The following UNKL variants were observed in gnomAD, a reference collection of about 807,000 sequenced individuals.
UNKL encodes putative E3 ubiquitin-protein ligase UNKL.
In UNKL, 60 loss-of-function variants were observed where a neutral mutation model predicts 78.0. The observed-to-expected ratio is 0.77, with a 90% CI of 0.63 to 0.95. The LOEUF is 0.95. Among genes scored for constraint, UNKL ranks in the 40% least tolerant of loss-of-function variants. The probability of loss-of-function intolerance (pLI) is 0.00; values close to 1 mark genes in which losing one functional copy is unlikely to be tolerated. For missense variants in UNKL, 1,159 were observed against 1,045.7 expected (o/e 1.11, Z -1.49); for synonymous variants, 608 against 474.8 (o/e 1.28, Z -3.65).
chr16:1,392,916 G>A lies in UNKL; in HGVS notation c.998C>T (p.Ser333Phe). ...ATTTCCCGGCTGGCCGCTGCCCGTG[G>A]AGGAAGGACTCGTGAGGTGGAGGTC... ...CHDLHLTSPS[S>F]TGSGQPGNAK... is the part of the protein sequence containing the mutation. The change falls in exon 8 of 15, where the codon TCC becomes TTC. Residue 333 changes from serine (S) to phenylalanine (F), a missense_variant. Transcript: ENST00000389221. The A allele has an allele frequency of 6.4e-7, 1 of 1,550,614 alleles. No homozygotes were observed. The highest frequency in any genetic ancestry group is 8.7e-7 in the Non-Finnish European group (1 of 1,147,002).
chr16:1,396,165 C>T (rs571277881), intron 6 of UNKL, among the ~76,000 whole-genome samples: 3 of 150,872 alleles, frequency 2.0e-5, no homozygotes, highest in Middle Eastern at 3.4e-3. Flanking sequence ...TGGTTTCGAA[C>T]CCCTGACCTC....
At chr16:1,406,654 A>G (rs1267394020) in intron 2 of UNKL, among the ~76,000 whole-genome samples, 3 of 151,974 alleles carry the variant, frequency 2.0e-5, no homozygotes, top group Non-Finnish European at 4.4e-5. Flanking sequence ...CTGAGTTTTA[A>G]AGACTGCTCG....
rs1275408658 is a variant in UNKL at position 1,363,262 on chromosome 16, T to C, written c.*2978A>G. 3 of 673,078 alleles carry C rather than the reference T, an allele frequency of 4.5e-6. No homozygotes were observed. Among genetic ancestry groups the C allele is most frequent in the Non-Finnish European group, 7.9e-6 (3 of 377,856 alleles). 41.7% of individuals were successfully genotyped at this position (673,078 alleles called of 1,614,324 possible). The stretch of plus-strand genomic sequence containing the variant: ...GATAAAAATAACTCCATGAATTCTG[T>C]AAACCATTGCATAAATGCTATAGTG... On this transcript the variant is annotated 3_prime_UTR_variant, in exon 15 of 15. Transcript: ENST00000389221.
chr16:1,374,667 TCC>T (rs2036079604), intron 10 of UNKL, among the ~76,000 whole-genome samples: 1 of 151,660 alleles, frequency 6.6e-6, no homozygotes, highest in South Asian at 2.1e-4. Flanking sequence ...GCAGCCTCAC[TCC>T]CCACAACCCA....
chr16:1,397,002 G>T, intron 6 of UNKL, 176 bp downstream of exon 6: 3 of 635,750 alleles, frequency 4.7e-6, no homozygotes, highest in Non-Finnish European at 8.1e-6. Context: ...AGGCCAGCAA[G>T]CAAGACAAGC....
At chr16:1,375,343 G>C (rs994949247) in intron 10 of UNKL, among the ~76,000 whole-genome samples, 1 of 152,162 alleles carries the variant, frequency 6.6e-6, no homozygotes, top group Non-Finnish European at 1.5e-5. Context: ...GTGGACGGTG[G>C]ACTCCAGAGG....
intron 11 of UNKL, among the ~76,000 whole-genome samples, chr16:1,371,035 A>T (rs1417801902): frequency 4.7e-5 from 7 of 147,766 alleles, no homozygotes; most frequent in Admixed American, 2.8e-4. Context: ...GTGAGCGGAG[A>T]TCGCGCCACT....
At chr16:1,394,541 A>C (rs373830321) in intron 6 of UNKL, 2 of 520,944 alleles carry the variant, frequency 3.8e-6, no homozygotes, top group Non-Finnish European at 7.4e-6. Context: ...CAGGTGCCTA[A>C]TAAGTGCCTA....
intron 13 of UNKL, 79 bp downstream of exon 13, chr16:1,367,577 C>G (rs2035403730): frequency 1.3e-5 from 12 of 937,852 alleles, no homozygotes. Context: ...CCTCCCCTCC[C>G]ATCTCACCCC....
rs1401578833 is a variant in UNKL at position 1,401,590 on chromosome 16, C to G, written c.576G>C (p.Leu192=). ...LASQAMIEKI[L]SEDPRWQDAN... is the part of the protein sequence containing the mutation. ...TACCTTGCCACCGGGGGTCCTCGCT[C>G]AGGATCTTCTCAATCATGGCCTGGC... The change falls in exon 4 of 15, where the codon CTG becomes CTC. Residue 192 remains leucine, a synonymous_variant. Coordinates refer to ENST00000389221, the MANE Select transcript of UNKL (RefSeq NM_001372107.1). 6.2e-7 allele frequency: 1 copy of G among 1,601,130 alleles called. No homozygotes were observed. The highest frequency in any genetic ancestry group is 1.7e-5 in the Admixed American group (1 of 58,942).
intron 2 of UNKL, among the ~76,000 whole-genome samples, chr16:1,411,765 C>A (rs2038049841): frequency 6.6e-6 from 1 of 152,166 alleles, no homozygotes; most frequent in Non-Finnish European, 1.5e-5. Context: ...GCGGAGGTTG[C>A]AGTGAGCTGA....
rs1362691892 is a variant in UNKL, at chr16:1,367,520, C to T, written c.1788+136G>A. Reference sequence around the variant, plus strand: ...TCCCTCCCTCCCTCCCTCCCCCTCCCGTCTCACCCCCCACACGCTCACCTG... The same window carrying T: ...TCCCTCCCTCCCTCCCTCCCCCTCCTGTCTCACCCCCCACACGCTCACCTG... On this transcript the variant is annotated intron_variant, in intron 13 of 14. Coordinates refer to ENST00000389221, the MANE Select transcript of UNKL (RefSeq NM_001372107.1). The T allele has an allele frequency of 9.6e-4, 654 of 681,670 alleles. 4 individuals are homozygous for T. The highest frequency in any genetic ancestry group is 9.3e-3 in the African/African-American group (369 of 39,500). The allele number at this position is 681,670 out of a possible 1,614,324, so 42.2% of individuals were successfully genotyped here.
At chr16:1,398,307 G>C in intron 5 of UNKL, 1 of 999,136 alleles carries the variant, frequency 1.0e-6, no homozygotes, top group Non-Finnish European at 1.2e-6. Context: ...ACTCTTCGTG[G>C]AATCTCTAGC....
chr16:1,387,115 GCACCGGGGACCCTCCCAGCCATGCA>G lies in UNKL; in HGVS notation c.1087-1755_1087-1731del. On this transcript the variant is annotated intron_variant, in intron 9 of 14. Transcript: ENST00000389221. This position sits in a 1 kb window ranked among gnomAD's most constrained non-coding sequence, Gnocchi z 4.1. ...CACCGGGGACCCTCCCAGCAATGCAGCACCGGGGACCCTCCCAGCCATGCAGCACCGGGGACCCTCCCAGCCATGC... is the reference window on the plus strand; with the variant it reads ...CACCGGGGACCCTCCCAGCAATGCAGGCACCGGGGACCCTCCCAGCCATGC... Among the ~76,000 whole-genome samples, 2 of 149,542 alleles carry G rather than the reference GCACCGGGGACCCTCCCAGCCATGCA, an allele frequency of 1.3e-5. No individual in the cohort carries two copies. Among genetic ancestry groups the G allele is most frequent in the South Asian group, 2.1e-4 (1 of 4,704 alleles).
intron 2 of UNKL, among the ~76,000 whole-genome samples, chr16:1,410,841 T>A (rs1364773244): frequency 6.6e-6 from 1 of 152,164 alleles, no homozygotes; most frequent in African/African-American, 2.4e-5. Flanking sequence ...TAAAAACCAA[T>A]TCAATTATGC....
At chr16:1,378,308 T>C (rs376126382) in intron 10 of UNKL, among the ~76,000 whole-genome samples, 53 of 152,328 alleles carry the variant, frequency 3.5e-4, no homozygotes, top group African/African-American at 1.3e-3. Context: ...CCAAGCGGTT[T>C]GCCCATAGTC....
At chr16:1,396,291 G>A (rs1030982156) in intron 6 of UNKL, among the ~76,000 whole-genome samples, 5 of 143,634 alleles carry the variant, frequency 3.5e-5, no homozygotes, top group African/African-American at 1.3e-4. Context: ...GTCTCGCTCT[G>A]TCCTCCAAGC....
intron 14 of UNKL, among the ~76,000 whole-genome samples, chr16:1,366,802 C>G (rs2035296268): frequency 6.6e-6 from 1 of 151,546 alleles, no homozygotes; most frequent in Non-Finnish European, 1.5e-5. Context: ...AGGGTCACAG[C>G]TGTGAACAGG....
intron 10 of UNKL, among the ~76,000 whole-genome samples, chr16:1,377,771 G>C (rs2036341968): frequency 6.6e-6 from 1 of 152,110 alleles, no homozygotes; most frequent in Admixed American, 6.5e-5. Context: ...AGGATCCCTT[G>C]CTTGTTCCCA....
Sources: gnomAD v4.1 joint callset for allele counts (sites outside exome capture counted in the v4.1 genomes callset) on GRCh38, gnomAD v4.1.1 for gene constraint, Gnocchi (gnomAD v3.1) non-coding constraint, MANE v1.5 for transcripts, NCBI Gene and HGNC (gene_info 2026-07-23, HGNC 2026-07-21) for gene names.